AGAP1: variants seen among roughly 807,000 people sequenced by gnomAD.
The protein encoded by AGAP1 is arf-GAP with GTPase, ANK repeat and PH domain-containing protein 1.
AGAP1 carries 29 observed loss-of-function variants against 105.3 expected under a neutral mutation model. The observed-to-expected ratio is 0.28, with a 90% CI of 0.21 to 0.38. The LOEUF (loss-of-function observed/expected upper bound fraction) is 0.38. Among genes scored for constraint, AGAP1 ranks in the 10% least tolerant of loss-of-function variants. AGAP1 has a pLI of 1.00. For missense variants in AGAP1, 998 were observed against 1,165.1 expected (o/e 0.86, Z 2.09); for synonymous variants, 509 against 485.9 (o/e 1.05, Z -0.63).
At chr2:235,575,670 G>C (rs1340908146) in intron 1 of AGAP1, among the ~76,000 whole-genome samples, 1 of 152,266 alleles carries the variant, frequency 6.6e-6, no homozygotes, top group Non-Finnish European at 1.5e-5. Context: ...GAACCTGGGA[G>C]AAAGGGCTGC....
chr2:235,767,428 C>T (rs900855505), intron 6 of AGAP1, among the ~76,000 whole-genome samples: 6 of 152,152 alleles, frequency 3.9e-5, no homozygotes, highest in Non-Finnish European at 7.3e-5. Context: ...GCTGGGGGTC[C>T]GGCCCACACC....
rs928488184 is a variant in AGAP1 at position 235,747,788 on chromosome 2, T to C, written c.539-2566T>C. On this transcript the variant is annotated intron_variant, in intron 5 of 17. Transcript: ENST00000304032. The surrounding 1 kb of genome is among the most constrained non-coding windows in gnomAD (Gnocchi z 5.0). ...TGGGATGCCAGAGACAAAAGAGGGA[T>C]CAGGTTGTCTAGGAAGGCACCTGGC... Among the ~76,000 whole-genome samples, 4 of 152,200 alleles carry C rather than the reference T, an allele frequency of 2.6e-5. No individual in the cohort carries two copies. Among genetic ancestry groups the C allele is most frequent in the African/African-American group, 7.2e-5 (3 of 41,460 alleles).
At chr2:235,562,633 G>A (rs1310369803) in intron 1 of AGAP1, among the ~76,000 whole-genome samples, 1 of 152,124 alleles carries the variant, frequency 6.6e-6, no homozygotes, top group Non-Finnish European at 1.5e-5. Context: ...GCCTTCTTTT[G>A]TGAAAACCCT....
chr2:235,617,229 C>G (rs1946336853), intron 1 of AGAP1, among the ~76,000 whole-genome samples: 1 of 152,096 alleles, frequency 6.6e-6, no homozygotes. Flanking sequence ...CTTTCAAAAA[C>G]TAGGTTAAAA....
intron 1 of AGAP1, among the ~76,000 whole-genome samples, chr2:235,677,977 G>GAAAAAAAAAAAAA (rs1948845567): frequency 8.8e-6 from 1 of 114,018 alleles, no homozygotes; most frequent in Non-Finnish European, 1.8e-5. Context: ...GTTATTCTGT[G>GAAAAAAAAAAAAA]AAAATATGCA....
At chr2:235,923,056 C>T (rs2052259737) in intron 11 of AGAP1, among the ~76,000 whole-genome samples, 1 of 152,160 alleles carries the variant, frequency 6.6e-6, no homozygotes, top group Admixed American at 6.5e-5. Flanking sequence ...TGCAGTCACC[C>T]CCTGCTAATC....
rs2056215518 is a variant in AGAP1, at chr2:236,003,654, T to C, written c.1646-32907T>C. Among the ~76,000 whole-genome samples the C allele has an allele frequency of 6.6e-6, 1 of 152,218 alleles. No homozygotes were observed. Among genetic ancestry groups the C allele is most frequent in the Non-Finnish European group, 1.5e-5 (1 of 68,030 alleles). ...GATTTGCGCCTGTTCTTTCTCTGGC[T>C]GTGCACCTGGCAGTGCTGAGAGGAG... On this transcript the variant is annotated intron_variant, in intron 13 of 17. Coordinates refer to ENST00000304032, the MANE Select transcript of AGAP1 (RefSeq NM_001037131.3). This position sits in a 1 kb window ranked among gnomAD's most constrained non-coding sequence, Gnocchi z 4.2.
chr2:235,862,799 A>C (rs1049402284), intron 9 of AGAP1, among the ~76,000 whole-genome samples: 6 of 152,342 alleles, frequency 3.9e-5, no homozygotes, highest in Non-Finnish European at 8.8e-5. Context: ...TCCTGAGGGC[A>C]GCCCTGGGTT....
rs1048544151 is a variant in AGAP1 at position 236,058,678 on chromosome 2, G to C, written c.2114+9397G>C. 1.3e-5 allele frequency among the ~76,000 whole-genome samples: 2 copies of C among 152,162 alleles called. No homozygotes were observed. The highest frequency in any genetic ancestry group is 2.9e-5 in the Non-Finnish European group (2 of 68,040). On this transcript the variant is annotated intron_variant, in intron 16 of 17. Coordinates refer to ENST00000304032, the MANE Select transcript of AGAP1 (RefSeq NM_001037131.3). This position sits in a 1 kb window ranked among gnomAD's most constrained non-coding sequence, Gnocchi z 4.6. Reference sequence around the variant, plus strand: ...CTAAGATCACAAACAAGACAAGAATGTCACCAGATCTGTTCAGCATTATAC... The same window carrying C: ...CTAAGATCACAAACAAGACAAGAATCTCACCAGATCTGTTCAGCATTATAC...
chr2:235,968,500 A>G lies in AGAP1; in HGVS notation c.1522A>G (p.Ile508Val). The G allele has an allele frequency of 6.2e-7, 1 of 1,608,314 alleles. No homozygotes were observed. Among genetic ancestry groups the G allele is most frequent in the Non-Finnish European group, 8.5e-7 (1 of 1,178,692 alleles). The stretch of plus-strand genomic sequence containing the variant: ...TGACTCCGTATGCTCCAGCCCCAGT[A>G]TCTCCAGCACCACCAGCCCCAAGCT... ...LGDSVCSSPS[I>V]SSTTSPKLDP... The change falls in exon 13 of 18, where the codon ATC becomes GTC. Residue 508 changes from isoleucine to valine, a missense_variant. Physicochemically the swap from Ile to Val is conservative, Grantham distance 29. Transcript: ENST00000304032.
intron 13 of AGAP1, among the ~76,000 whole-genome samples, chr2:235,986,012 A>C (rs528793809): frequency 6.6e-6 from 1 of 152,294 alleles, no homozygotes; most frequent in African/African-American, 2.4e-5. Context: ...GATGACTGTC[A>C]ATGGTAGTTT....
chr2:235,938,925 C>T (rs915171724), intron 12 of AGAP1, among the ~76,000 whole-genome samples: 1 of 152,142 alleles, frequency 6.6e-6, no homozygotes, highest in Non-Finnish European at 1.5e-5. Context: ...TGGGGCCAGC[C>T]GCTAGAGATC....
rs143860937 is a variant in AGAP1, at chr2:235,750,305, T to C, written c.539-49T>C. 3,653 of 1,611,728 alleles carry C rather than the reference T, an allele frequency of 2.3e-3. 80 individuals carry two copies. In the South Asian group the frequency reaches 0.032, roughly 14 times the overall value. On this transcript the variant is annotated intron_variant, in intron 5 of 17. Coordinates refer to ENST00000304032, the MANE Select transcript of AGAP1 (RefSeq NM_001037131.3). This position sits in a 1 kb window ranked among gnomAD's most constrained non-coding sequence, Gnocchi z 5.3. ...TGTTGTGGGGAGTGTAGGAAGTATT[T>C]AGAGCTGTCATTGTCACTGTGCCGT...
chr2:235,853,152 T>C (rs1408927282), intron 9 of AGAP1: 1 of 1,146,790 alleles, frequency 8.7e-7, no homozygotes. Context: ...GCTTTGCATG[T>C]TTTGGGTACA....
At position 235,793,794 on chromosome 2, in the gene AGAP1, G is replaced by C. The variant is rs189277036; in HGVS notation, c.674-3965G>C. Among the ~76,000 whole-genome samples, 1 of 152,130 alleles carries C rather than the reference G, an allele frequency of 6.6e-6. No homozygotes were observed. The highest frequency in any genetic ancestry group is 1.5e-5 in the Non-Finnish European group (1 of 68,028). ...GAAACAAGATGGAAGTAGAAATTGG[G>C]CATTATGTCAGGATTTAATGAAGTC... On this transcript the variant is annotated intron_variant, in intron 6 of 17. Coordinates refer to ENST00000304032, the MANE Select transcript of AGAP1 (RefSeq NM_001037131.3). This position sits in a 1 kb window ranked among gnomAD's most constrained non-coding sequence, Gnocchi z 5.3.
rs556666366 is a variant in AGAP1 at position 236,045,378 on chromosome 2, C to T, written c.1892-3681C>T. 2.0e-4 allele frequency among the ~76,000 whole-genome samples: 30 copies of T among 152,364 alleles called. No individual in the cohort carries two copies. The highest frequency in any genetic ancestry group is 7.0e-4 in the African/African-American group (29 of 41,582). On this transcript the variant is annotated intron_variant, in intron 15 of 17. Coordinates refer to ENST00000304032, the MANE Select transcript of AGAP1 (RefSeq NM_001037131.3). This position sits in a 1 kb window ranked among gnomAD's most constrained non-coding sequence, Gnocchi z 6.9. Reference sequence around the variant, plus strand: ...AAGGAACAGATGTAATTACAGCCAACACCTAACACTGTACTTCCCGTGGGG... The same window carrying T: ...AAGGAACAGATGTAATTACAGCCAATACCTAACACTGTACTTCCCGTGGGG...
intron 1 of AGAP1, among the ~76,000 whole-genome samples, chr2:235,547,895 G>C (rs1004564913): frequency 6.6e-6 from 1 of 152,256 alleles, no homozygotes; most frequent in African/African-American, 2.4e-5. Context: ...GCAACAGGCA[G>C]ATGCTTGGTG....
In AGAP1 at chr2:235,930,679, C is replaced by CGGATCATTAAAAA; in HGVS notation, c.1325-86_1325-85insGGATCATTAAAAA. ...CTCGGTGGTAAGGTGCACTATGTGC[C>CGGATCATTAAAAA]AGCGTGTGGGTCCCATAGACTAACT... is the stretch of plus-strand genomic sequence containing the variant. On this transcript the variant is annotated intron_variant, in intron 11 of 17. Transcript: ENST00000304032. The surrounding 1 kb of genome is among the most constrained non-coding windows in gnomAD (Gnocchi z 7.9). 7.3e-7 allele frequency: 1 copy of CGGATCATTAAAAA among 1,378,316 alleles called. No homozygotes were observed. Among genetic ancestry groups the CGGATCATTAAAAA allele is most frequent in the Non-Finnish European group, 9.8e-7 (1 of 1,017,786 alleles). 85.4% of individuals were successfully genotyped at this position (1,378,316 alleles called of 1,614,324 possible).
rs905986310 is a variant in AGAP1 at position 235,725,152 on chromosome 2, C to T, written c.310+7508C>T. 1.3e-5 allele frequency among the ~76,000 whole-genome samples: 2 copies of T among 152,270 alleles called. No homozygotes were observed. Among genetic ancestry groups the T allele is most frequent in the African/African-American group, 4.8e-5 (2 of 41,552 alleles). On this transcript the variant is annotated intron_variant, in intron 3 of 17. Coordinates refer to ENST00000304032, the MANE Select transcript of AGAP1 (RefSeq NM_001037131.3). This position sits in a 1 kb window ranked among gnomAD's most constrained non-coding sequence, Gnocchi z 5.7. ...TCTACTGGCCACTGGCTTCTGGCCTCCAGGGCCAGCTGGCTGTACAGCCAC... is the reference window on the plus strand; with the variant it reads ...TCTACTGGCCACTGGCTTCTGGCCTTCAGGGCCAGCTGGCTGTACAGCCAC...
Sources: allele counts gnomAD v4.1 joint callset (sites outside exome capture counted in the v4.1 genomes callset), GRCh38; gene constraint gnomAD v4.1.1; non-coding constraint Gnocchi (gnomAD v3.1); transcripts MANE v1.5; gene names NCBI Gene and HGNC (gene_info 2026-07-23, HGNC 2026-07-21).